PRR35: variants seen among roughly 807,000 people sequenced by gnomAD.
The protein encoded by PRR35 is proline rich 35.
PRR35 carries 14 observed loss-of-function variants against 18.6 expected under a neutral mutation model. The ratio of observed to expected loss-of-function variants is 0.75; its 90% CI spans 0.50 to 1.18. The LOEUF is 1.18. Among genes scored for constraint, PRR35 ranks in the 50% most tolerant of loss-of-function variants. PRR35 has a pLI of 0.00. For missense variants in PRR35, 832 were observed against 792.2 expected, an observed-to-expected ratio of 1.05 and a Z score of -0.60; for synonymous variants, 425 against 378.2, an observed-to-expected ratio of 1.12 and a Z score of -1.43.
At chr16:562,976 C>T (rs1263633582) in intron 1 of PRR35, among the ~76,000 whole-genome samples, 1 of 151,956 alleles carries the variant, frequency 6.6e-6, no homozygotes, top group Non-Finnish European at 1.5e-5. Flanking sequence ...CTAGGCTACA[C>T]TTAACACTCA....
chr16:561,217 A>C (rs2035428672), intron 1 of PRR35, among the ~76,000 whole-genome samples: 1 of 152,116 alleles, frequency 6.6e-6, no homozygotes, highest in South Asian at 2.1e-4. Context: ...CTCTGTGTAC[A>C]CACACCAGGT....
In PRR35 at chr16:563,321, C is replaced by T. The variant is rs768699870; in HGVS notation, c.27C>T (p.Arg9=). 82 of 1,610,226 alleles carry T rather than the reference C, an allele frequency of 5.1e-5. No individual in the cohort carries two copies. In the South Asian group the frequency reaches 7.5e-4, roughly 15 times the overall value. The change falls in exon 2 of 3, where the codon CGC becomes CGT. Residue 9 remains arginine (R), a synonymous_variant. Transcript: ENST00000409413. MSREAGSC[R]VGTGARARSR... ...TGTCGCGGGAGGCGGGCTCATGCCG[C>T]GTGGGCACAGGGGCGAGGGCGCGGT... is the stretch of plus-strand genomic sequence containing the variant.
intron 1 of PRR35, among the ~76,000 whole-genome samples, chr16:562,434 TCACACATGCATGCATG>T (rs915191103): frequency 4.6e-5 from 7 of 151,872 alleles, no homozygotes; most frequent in African/African-American, 1.5e-4. Flanking sequence ...ACACACGCAC[TCACACATGCATGCATG>T]CACACATGCA....
rs2035514157 is a variant in PRR35 at position 565,121 on chromosome 16, A to C, written c.1530A>C (p.Gln510His). ...PPGMLGPAAP[Q>H]PFSGHTTKCE... Reference sequence around the variant, plus strand: ...GCATGCTGGGCCCTGCAGCGCCCCAACCCTTCTCTGGCCACACCACCAAGT... The same window carrying C: ...GCATGCTGGGCCCTGCAGCGCCCCACCCCTTCTCTGGCCACACCACCAAGT... The change falls in exon 3 of 3, where the codon CAA (glutamine) becomes CAC (histidine). Residue 510 changes from glutamine to histidine, a missense_variant. By Grantham distance (24) the Gln-to-His change is conservative (BLOSUM62 0). This residue lies in a region of PRR35 where 768 missense variants were observed against 704.1 expected (regional missense o/e 1.09). Transcript: ENST00000409413. The C allele has an allele frequency of 1.8e-5, 29 of 1,603,228 alleles. No homozygotes were observed. The highest frequency in any genetic ancestry group is 2.5e-5 in the Non-Finnish European group (29 of 1,174,694).
chr16:562,596 GAC>G (rs10581999), intron 1 of PRR35, among the ~76,000 whole-genome samples: 1 of 149,220 alleles, frequency 6.7e-6, no homozygotes, highest in Admixed American at 6.6e-5. Context: ...CACACACACA[GAC>G]ACACACAGGC....
Position 560,398 on chromosome 16 carries a change from T to C in PRR35, c.-303T>C, listed in dbSNP as rs2035412919. On this transcript the variant is annotated 5_prime_UTR_variant, in exon 1 of 3. Coordinates refer to ENST00000409413, the MANE Select transcript of PRR35 (RefSeq NM_145270.3). ...CGCGCGCCCGCCTCTGCCGCCAACT[T>C]CGGGAGGTGCGAGCGGCGTCGGGGG... is the stretch of plus-strand genomic sequence containing the variant. The C allele has an allele frequency of 2.0e-6, 2 of 982,340 alleles. No individual in the cohort carries two copies. Among genetic ancestry groups the C allele is most frequent in the Non-Finnish European group, 2.4e-6 (2 of 829,002 alleles). 60.9% of individuals were successfully genotyped at this position (982,340 alleles called of 1,614,324 possible).
At chr16:560,348 C>A (rs2035412205), upstream of PRR35, 3 of 982,254 alleles carry the variant, frequency 3.1e-6, no homozygotes, top group Middle Eastern at 5.2e-4. Flanking sequence ...TCGCAGCGCC[C>A]CCCGGAGCCC....
rs546441440 is a variant in PRR35, at chr16:564,752, C to G, written c.1161C>G (p.Gly387=). The part of the protein sequence containing the change: ...PGGPETPGPE[G]PLPLQPRGPV... ...GCCCTGAGACCCCCGGCCCTGAGGG[C>G]CCCCTCCCCCTGCAGCCACGGGGCC... The change falls in exon 3 of 3, where the codon GGC becomes GGG. Residue 387 remains glycine (G), a synonymous_variant. Transcript: ENST00000409413. The G allele has an allele frequency of 1.3e-6, 2 of 1,536,878 alleles. No homozygotes were observed. The highest frequency in any genetic ancestry group is 3.9e-5 in the Admixed American group (2 of 51,516).
At chr16:560,207 A>G (rs1362331732), upstream of PRR35, among the ~76,000 whole-genome samples, 1 of 149,670 alleles carries the variant, frequency 6.7e-6, no homozygotes, top group Non-Finnish European at 1.5e-5. Flanking sequence ...GCGCCCCGAG[A>G]GCTGAGCCGG....
chr16:560,656 G>T lies in PRR35; in HGVS notation c.-45G>T, dbSNP rs925860547. ...ACTTGGCGGCTCCGCTCCCGGCCGG[G>T]CGCAGGTAGGAGCGGCGGGAGCCGC... On this transcript the variant is annotated 5_prime_UTR_variant, in exon 1 of 3. Transcript: ENST00000409413. 1 of 925,052 alleles carries T rather than the reference G, an allele frequency of 1.1e-6. No homozygotes were observed. The highest frequency in any genetic ancestry group is 1.3e-6 in the Non-Finnish European group (1 of 790,596). 57.3% of individuals were successfully genotyped at this position (925,052 alleles called of 1,614,324 possible).
intron 1 of PRR35, 72 bp from the exon 2 acceptor site, chr16:563,184 G>C: frequency 2.2e-6 from 3 of 1,365,736 alleles, no homozygotes; most frequent in Non-Finnish European, 2.9e-6. Flanking sequence ...TGGAGCCTGG[G>C]GAGCCATGGA....
In PRR35 at chr16:565,272, T is replaced by C; in HGVS notation, c.1681T>C (p.Cys561Arg). The C allele has an allele frequency of 6.4e-7, 1 of 1,560,512 alleles. No individual in the cohort carries two copies. Among genetic ancestry groups the C allele is most frequent in the Non-Finnish European group, 8.7e-7 (1 of 1,153,108 alleles). ...GAGTTCCCAGACCCCTGAGGCTGTC[T>C]GTGGCCTGCAGAGCCCCCAGGGCGC... is the stretch of plus-strand genomic sequence containing the variant. ...TRSSQTPEAVCGLQSPQGAEV is the reference protein window; with the variant it reads ...TRSSQTPEAVRGLQSPQGAEV The change falls in exon 3 of 3, where the codon TGT becomes CGT. Residue 561 changes from cysteine to arginine, a missense_variant. By Grantham distance (180) the Cys-to-Arg change is radical. Coordinates refer to ENST00000409413, the MANE Select transcript of PRR35 (RefSeq NM_145270.3).
Position 563,774 on chromosome 16 carries a change from G to A in PRR35, c.480G>A (p.Glu160=). The change falls in exon 2 of 3, where the codon GAG becomes GAA. Residue 160 remains glutamate, a synonymous_variant. Transcript: ENST00000409413. The part of the protein sequence containing the change: ...KGPGPSGLLP[E]SWKPGMGGDP... ...CCGGCCCCAGTGGGCTCCTGCCTGA[G>A]TCGTGGAAGCCGGGGATGGGAGGGG... is the stretch of plus-strand genomic sequence containing the variant. The A allele has an allele frequency of 1.3e-6, 2 of 1,500,996 alleles. No homozygotes were observed. Among genetic ancestry groups the A allele is most frequent in the Non-Finnish European group, 1.8e-6 (2 of 1,125,318 alleles). The allele number at this position is 1,500,996 out of a possible 1,614,324, so 93.0% of individuals were successfully genotyped here.
rs2035516166 is a variant in PRR35 at position 565,173 on chromosome 16, C to T, written c.1582C>T (p.Pro528Ser). Residue 528 changes from proline to serine, a missense_variant, in exon 3 of 3, where the codon CCA becomes TCA. Pro to Ser is a moderately conservative substitution (Grantham distance 74). Coordinates refer to ENST00000409413, the MANE Select transcript of PRR35 (RefSeq NM_145270.3). ...TGAGGCCGACTCCAGCGTCCCACCC[C>T]CAGGGCTCCCCCTCGCAGCCCCAGA... ...KCEADSSVPP[P>S]GLPLAAPDDP... 2.5e-6 allele frequency: 4 copies of T among 1,610,892 alleles called. No homozygotes were observed. The highest frequency in any genetic ancestry group is 1.7e-4 in the Middle Eastern group (1 of 6,038).
In PRR35 at chr16:563,664, C is replaced by T. The variant is rs2035480797; in HGVS notation, c.370C>T (p.Leu124=). ...CCTCGTGGTCGCCGACATCCACTCC[C>T]TGCACTGTGGCGGAGGCCCCAAGTC... ...PDLVVADIHS[L]HCGGGPKSRA... Residue 124 remains leucine (L), a synonymous_variant, in exon 2 of 3, where the codon CTG becomes TTG. Coordinates refer to ENST00000409413, the MANE Select transcript of PRR35 (RefSeq NM_145270.3). 1.9e-6 allele frequency: 3 copies of T among 1,573,672 alleles called. No individual in the cohort carries two copies. The highest frequency in any genetic ancestry group is 2.6e-6 in the Non-Finnish European group (3 of 1,166,636).
chr16:563,035 C>T (rs1596374529), intron 1 of PRR35, among the ~76,000 whole-genome samples: 5 of 131,034 alleles, frequency 3.8e-5, no homozygotes, highest in Non-Finnish European at 6.5e-5. Flanking sequence ...CTGTCCTGGA[C>T]TTTTTTTTTT....
chr16:564,651 C>T (rs2142112545), intron 2 of PRR35, 23 bp from the exon 3 acceptor site: 1 of 1,507,910 alleles, frequency 6.6e-7, no homozygotes, highest in Non-Finnish European at 8.8e-7. Flanking sequence ...AGTGCGGCCT[C>T]CTGACCAGCT....
chr16:563,995 C>T lies in PRR35; in HGVS notation c.701C>T (p.Pro234Leu). The change falls in exon 2 of 3, where the codon CCC (proline) becomes CTC (leucine). Residue 234 changes from proline to leucine, a missense_variant. By Grantham distance (98) the Pro-to-Leu change is moderately conservative. Transcript: ENST00000409413. Reference protein sequence around the residue: ...GPSLAAAAHVPFLASASPLLP... With the variant: ...GPSLAAAAHVLFLASASPLLP... ...TCACTGGCCGCTGCAGCCCATGTGCCCTTCCTGGCCTCGGCCAGCCCCCTG... is the reference window on the plus strand; with the variant it reads ...TCACTGGCCGCTGCAGCCCATGTGCTCTTCCTGGCCTCGGCCAGCCCCCTG... The T allele has an allele frequency of 1.2e-6, 2 of 1,600,984 alleles. No homozygotes were observed. Among genetic ancestry groups the T allele is most frequent in the African/African-American group, 2.7e-5 (2 of 74,774 alleles).
At position 565,184 on chromosome 16, in the gene PRR35, C is replaced by A. The variant is rs1389682123; in HGVS notation, c.1593C>A (p.Pro531=). 4.7e-5 allele frequency: 75 copies of A among 1,610,966 alleles called. No individual in the cohort carries two copies. The highest frequency in any genetic ancestry group is 6.4e-5 in the Non-Finnish European group (75 of 1,179,158). The change falls in exon 3 of 3, where the codon CCC becomes CCA. Residue 531 remains proline, a synonymous_variant. Coordinates refer to ENST00000409413, the MANE Select transcript of PRR35 (RefSeq NM_145270.3). ...CCAGCGTCCCACCCCCAGGGCTCCC[C>A]CTCGCAGCCCCAGATGACCCTGTCA... The part of the protein sequence containing the change: ...ADSSVPPPGL[P]LAAPDDPVIP...
Sources: allele counts gnomAD v4.1 joint callset (sites outside exome capture counted in the v4.1 genomes callset), GRCh38; gene constraint gnomAD v4.1.1; regional missense constraint gnomAD v4.1.1; transcripts MANE v1.5; gene names NCBI Gene and HGNC (gene_info 2026-07-23, HGNC 2026-07-21).